The following EHMT1 variants were observed in gnomAD, a reference collection of about 807,000 sequenced individuals.
EHMT1 encodes euchromatic histone lysine methyltransferase 1.
A neutral mutation model predicts 147.2 loss-of-function variants in EHMT1; 15 were observed. That is an observed-to-expected ratio of 0.10 (90% CI 0.07 to 0.16). The LOEUF (loss-of-function observed/expected upper bound fraction) is 0.16. Ranked by LOEUF, EHMT1 falls within the 10% of genes least tolerant of loss-of-function variation. The pLI, the probability that EHMT1 is intolerant of heterozygous loss-of-function variation, is 1.00. For missense variants in EHMT1, 1,587 were observed against 1,772.4 expected, an observed-to-expected ratio of 0.90 and a Z score of 1.88; for synonymous variants, 795 against 709.6, an observed-to-expected ratio of 1.12 and a Z score of -1.91.
chr9:137,822,854 T>C (rs1462458826), intron 25 of EHMT1, among the ~76,000 whole-genome samples: 2 of 150,236 alleles, frequency 1.3e-5, no homozygotes, highest in Non-Finnish European at 2.9e-5. Flanking sequence ...GATCATGCCA[T>C]TGCACTGTAG....
intron 1 of EHMT1, among the ~76,000 whole-genome samples, chr9:137,686,734 T>C (rs548021293): frequency 1.4e-4 from 21 of 145,068 alleles, no homozygotes; most frequent in East Asian, 4.0e-4. Context: ...TTCTTTCTTT[T>C]TTTTTTTTTT....
intron 1 of EHMT1, among the ~76,000 whole-genome samples, chr9:137,696,851 A>T (rs1943434790): frequency 6.6e-6 from 1 of 152,198 alleles, no homozygotes; most frequent in African/African-American, 2.4e-5. Flanking sequence ...ATACCAGATC[A>T]GTTCCAGGGG....
At chr9:137,646,309 G>A in intron 1 of EHMT1, 2 of 975,838 alleles carry the variant, frequency 2.0e-6, no homozygotes, top group Non-Finnish European at 2.4e-6. Flanking sequence ...TGATGTCTGT[G>A]GCATTTCCTG....
chr9:137,700,042 A>G (rs1297022836), intron 1 of EHMT1, among the ~76,000 whole-genome samples: 1 of 152,222 alleles, frequency 6.6e-6, no homozygotes, highest in African/African-American at 2.4e-5. Context: ...GTAAATGTAT[A>G]TCATCATGTG....
At chr9:137,660,181 A>T (rs1244405999) in intron 1 of EHMT1, among the ~76,000 whole-genome samples, 1 of 151,896 alleles carries the variant, frequency 6.6e-6, no homozygotes, top group Non-Finnish European at 1.5e-5. Context: ...CAAAAAATAC[A>T]AATATTAGCT....
chr9:137,777,047 G>A (rs896011733), intron 12 of EHMT1: 7 of 587,010 alleles, frequency 1.2e-5, no homozygotes, highest in Admixed American at 3.0e-5. Context: ...GTTTGGTTAT[G>A]TAGATCCATT....
intron 7 of EHMT1, 111 bp downstream of exon 7, chr9:137,752,519 T>C (rs1267818829): frequency 1.6e-6 from 2 of 1,275,470 alleles, no homozygotes; most frequent in Non-Finnish European, 2.2e-6. Context: ...CGCTCACCCA[T>C]GTGCTTGGAG....
intron 1 of EHMT1, among the ~76,000 whole-genome samples, chr9:137,671,130 A>G (rs910141050): frequency 3.3e-5 from 5 of 152,328 alleles, no homozygotes; most frequent in African/African-American, 7.2e-5. Context: ...TGTCTTGCCT[A>G]TAGTTAACTG....
intron 2 of EHMT1, among the ~76,000 whole-genome samples, chr9:137,715,011 T>C (rs1197151474): frequency 6.6e-6 from 1 of 152,248 alleles, no homozygotes; most frequent in Non-Finnish European, 1.5e-5. Flanking sequence ...AATGATACTT[T>C]TTTTTCTTAC....
Position 137,717,083 on chromosome 9 carries a change from G to T in EHMT1, c.543G>T (p.Glu181Asp). 1 of 1,611,300 alleles carries T rather than the reference G, an allele frequency of 6.2e-7. No homozygotes were observed. The highest frequency in any genetic ancestry group is 8.5e-7 in the Non-Finnish European group (1 of 1,178,918). ...TPAAPPATLGEGSADTEDRKL... is the reference protein window; with the variant it reads ...TPAAPPATLGDGSADTEDRKL... ...CCGCCCCACCAGCCACCCTTGGGGA[G>T]GGGAGTGCTGACACAGAGGACAGGA... The change falls in exon 3 of 27, where the codon GAG becomes GAT. Residue 181 changes from glutamate (E) to aspartate (D), a missense_variant. By Grantham distance (45) the Glu-to-Asp change is conservative. Transcript: ENST00000460843.
intron 4 of EHMT1, among the ~76,000 whole-genome samples, chr9:137,733,124 C>T (rs1588431941): frequency 1.3e-5 from 2 of 152,300 alleles, no homozygotes; most frequent in East Asian, 3.9e-4. Flanking sequence ...TCTGCACCCT[C>T]CACCCTGTAG....
At chr9:137,781,526 C>T (rs142204732) in intron 14 of EHMT1, among the ~76,000 whole-genome samples, 3 of 152,180 alleles carry the variant, frequency 2.0e-5, no homozygotes, top group Non-Finnish European at 4.4e-5. Flanking sequence ...CTGTGCTGAT[C>T]GCAGCAGCTG....
At chr9:137,803,045 C>T (rs952079146) in intron 18 of EHMT1, 48 of 1,230,500 alleles carry the variant, frequency 3.9e-5, no homozygotes, top group South Asian at 2.5e-4. Flanking sequence ...CCGGAGACTG[C>T]GTGGCGGGGA....
chr9:137,758,209 G>A (rs891780581), intron 9 of EHMT1, among the ~76,000 whole-genome samples, 198 bp downstream of exon 9: 3 of 152,216 alleles, frequency 2.0e-5, no homozygotes, highest in Non-Finnish European at 4.4e-5. Flanking sequence ...GAGACATTAC[G>A]GAAACCCTCT....
chr9:137,800,287 A>AG (rs1953352121), intron 17 of EHMT1: 2 of 154,704 alleles, frequency 1.3e-5, no homozygotes, highest in African/African-American at 4.8e-5. Context: ...CAGGAGCCGC[A>AG]GAGCTGATCA....
At chr9:137,743,340 G>A (rs1166095992) in intron 4 of EHMT1, 31 bp from the exon 5 acceptor site, 1 of 1,548,816 alleles carries the variant, frequency 6.5e-7, no homozygotes, top group Admixed American at 1.9e-5. Flanking sequence ...TTCCTTTCTT[G>A]TCCCCTTTTG....
intron 3 of EHMT1, among the ~76,000 whole-genome samples, chr9:137,726,560 T>C (rs963123026): frequency 1.3e-5 from 2 of 152,122 alleles, no homozygotes; most frequent in Admixed American, 1.3e-4. Flanking sequence ...TTGGCTGCTG[T>C]GGTTGATGCT....
chr9:137,822,283 T>C (rs1385006430), intron 25 of EHMT1, among the ~76,000 whole-genome samples: 1 of 152,250 alleles, frequency 6.6e-6, no homozygotes, highest in Non-Finnish European at 1.5e-5. Flanking sequence ...TGCTTGCCTG[T>C]GGGTGGGCCT....
Position 137,790,913 on chromosome 9 carries a change from C to T in EHMT1, c.2448C>T (p.Asn816=). The T allele has an allele frequency of 1.2e-6, 2 of 1,614,186 alleles. No individual in the cohort carries two copies. The highest frequency in any genetic ancestry group is 1.7e-6 in the Non-Finnish European group (2 of 1,180,042). The change falls in exon 16 of 27, where the codon AAC becomes AAT. Residue 816 remains asparagine (N), a synonymous_variant. Coordinates refer to ENST00000460843, the MANE Select transcript of EHMT1 (RefSeq NM_024757.5). ...CCCCGTTGATGGAAGCAGCCGAAAA[C>T]AACCATCTGGAAGCAGTGAAGTACC... ...QRTPLMEAAE[N]NHLEAVKYLI...
Sources: allele counts gnomAD v4.1 joint callset (sites outside exome capture counted in the v4.1 genomes callset), GRCh38; gene constraint gnomAD v4.1.1; transcripts MANE v1.5; gene names NCBI Gene and HGNC (gene_info 2026-07-23, HGNC 2026-07-21).